CCDC7: variants seen among roughly 807,000 people sequenced by gnomAD.
CCDC7 encodes coiled-coil domain containing 7, also known as coiled-coil domain-containing protein 7.
Under a neutral mutation model 196.9 loss-of-function variants are expected in CCDC7, and 183 were observed. The ratio of observed to expected loss-of-function variants is 0.93; its 90% CI spans 0.82 to 1.05. The LOEUF is 1.05. CCDC7 is among the 50% of genes least tolerant of loss of function. The probability of loss-of-function intolerance (pLI) is 0.00; values close to 1 mark genes in which losing one functional copy is unlikely to be tolerated. For missense variants in CCDC7, 1,540 were observed against 1,482.2 expected (o/e 1.04, Z -0.64); for synonymous variants, 525 against 484.6 (o/e 1.08, Z -1.10).
intron 2 of CCDC7, 37 bp from the exon 4 acceptor site, chr10:32,456,214 T>C: frequency 1.4e-6 from 2 of 1,477,602 alleles, no homozygotes; most frequent in Non-Finnish European, 1.8e-6. Flanking sequence ...TATGGATTCT[T>C]AAATGTAACT....
intron 18 of CCDC7, among the ~76,000 whole-genome samples, chr10:32,594,187 A>C (rs2060074061): frequency 1.3e-5 from 2 of 152,134 alleles, no homozygotes; most frequent in Non-Finnish European, 2.9e-5. Context: ...ATGAGCATGG[A>C]ATGTTCTTCC....
intron 21 of CCDC7, among the ~76,000 whole-genome samples, chr10:32,676,475 C>T (rs2074995574): frequency 1.3e-5 from 2 of 151,444 alleles, no homozygotes; most frequent in African/African-American, 4.8e-5. Flanking sequence ...ACTCATCTGA[C>T]AAAGGGCTAA....
intron 41 of CCDC7, among the ~76,000 whole-genome samples, chr10:32,874,696 T>C (rs934681376): frequency 1.3e-5 from 2 of 149,490 alleles, no homozygotes; most frequent in African/African-American, 5.0e-5. Context: ...CATACACACA[T>C]ATGTATGTGC....
intron 3 of CCDC7, among the ~76,000 whole-genome samples, chr10:32,461,953 G>A (rs1193268942): frequency 6.6e-6 from 1 of 151,488 alleles, no homozygotes; most frequent in Non-Finnish European, 1.5e-5. Context: ...TGTATTTTTA[G>A]TAGAGACGGG....
chr10:32,630,879 C>T (rs573312102), intron 18 of CCDC7, among the ~76,000 whole-genome samples: 1 of 152,238 alleles, frequency 6.6e-6, no homozygotes, highest in Non-Finnish European at 1.5e-5. Context: ...GGGGTCTACC[C>T]AACCTCTTGT....
At chr10:32,633,498 A>C (rs559472846) in intron 18 of CCDC7, among the ~76,000 whole-genome samples, 1 of 152,108 alleles carries the variant, frequency 6.6e-6, no homozygotes, top group African/African-American at 2.4e-5. Flanking sequence ...AGCACTAGAA[A>C]AACAAATTTA....
intron 25 of CCDC7, among the ~76,000 whole-genome samples, chr10:32,726,208 G>C (rs904404521): frequency 1.3e-5 from 2 of 151,582 alleles, no homozygotes; most frequent in Admixed American, 1.3e-4. Context: ...TTATCTTCTA[G>C]AAATCCCTCC....
At chr10:32,877,175 A>G (rs1475388291), downstream of CCDC7, 2 of 152,094 alleles carry the variant, frequency 1.3e-5, no homozygotes, top group East Asian at 1.9e-4. Context: ...CTCCCATTGT[A>G]AAGATATTAT....
At chr10:32,639,400 T>G (rs934558184) in intron 20 of CCDC7, among the ~76,000 whole-genome samples, 1 of 152,206 alleles carries the variant, frequency 6.6e-6, no homozygotes, top group East Asian at 1.9e-4. Context: ...TACACACTGC[T>G]TTGAATGTGT....
chr10:32,837,969 A>G (rs1467342231), intron 33 of CCDC7, among the ~76,000 whole-genome samples: 1 of 151,800 alleles, frequency 6.6e-6, no homozygotes, highest in Non-Finnish European at 1.5e-5. Flanking sequence ...ACATATACCT[A>G]ATGTAAATGA....
At chr10:32,561,513 ACTACATGG>A (rs1161780811) in intron 13 of CCDC7, among the ~76,000 whole-genome samples, 4 of 152,246 alleles carry the variant, frequency 2.6e-5, no homozygotes, top group Admixed American at 1.3e-4. Flanking sequence ...AAACCGCTCA[ACTACATGG>A]AAACTGAACA....
chr10:32,584,037 A>T (rs1282192718), intron 17 of CCDC7, among the ~76,000 whole-genome samples, 195 bp from the exon 19 acceptor site: 1 of 152,152 alleles, frequency 6.6e-6, no homozygotes, highest in Non-Finnish European at 1.5e-5. Context: ...ATTGCCTCTC[A>T]GGTCCATTAA....
At position 32,703,267 on chromosome 10, in the gene CCDC7, C is replaced by T. The variant is rs539649167; in HGVS notation, c.2458+8275C>T. ...TGTAAAGGATTTTATTTCTCCTTCACTTATGAAGCTTAGTTTGGCTGGATA... is the reference window on the plus strand; with the variant it reads ...TGTAAAGGATTTTATTTCTCCTTCATTTATGAAGCTTAGTTTGGCTGGATA... On this transcript the variant is annotated intron_variant, in intron 24 of 41. Coordinates refer to ENST00000639629, the Ensembl canonical transcript of CCDC7. 3.9e-5 allele frequency among the ~76,000 whole-genome samples: 6 copies of T among 152,190 alleles called. No homozygotes were observed. The East Asian group carries it at 1.2e-3, about 29-fold the overall frequency.
chr10:32,548,308 G>C (rs2052842121), intron 13 of CCDC7, among the ~76,000 whole-genome samples: 1 of 152,146 alleles, frequency 6.6e-6, no homozygotes, highest in African/African-American at 2.4e-5. Context: ...TGGAGGGGCA[G>C]AGTCAGTAGT....
chr10:32,713,226 G>A (rs1411125103), intron 25 of CCDC7, among the ~76,000 whole-genome samples: 3 of 152,246 alleles, frequency 2.0e-5, no homozygotes, highest in Admixed American at 6.5e-5. Context: ...GGTCCTGTTT[G>A]TGGTGACCTC....
chr10:32,490,981 T>C (rs1426160152), intron 8 of CCDC7, among the ~76,000 whole-genome samples: 1 of 152,208 alleles, frequency 6.6e-6, no homozygotes, highest in Non-Finnish European at 1.5e-5. Context: ...TCTGTTTGAC[T>C]TGGTTTCTTG....
In CCDC7 at chr10:32,832,620, GAAAT is replaced by G. The variant is rs1299572186; in HGVS notation, c.3269-2187_3269-2184del. 6.6e-5 allele frequency among the ~76,000 whole-genome samples: 10 copies of G among 151,990 alleles called. No homozygotes were observed. The East Asian group carries it at 1.7e-3, about 26-fold the overall frequency. On this transcript the variant is annotated intron_variant, in intron 32 of 41. Coordinates refer to ENST00000639629, the Ensembl canonical transcript of CCDC7. ...AGTGAAACTCAAACAAAAAGAATCT[GAAAT>G]AAATAAAAATTTACAGGATTAGTTG...
At chr10:32,679,664 G>C (rs1439895924) in intron 21 of CCDC7, among the ~76,000 whole-genome samples, 1 of 152,152 alleles carries the variant, frequency 6.6e-6, no homozygotes, top group African/African-American at 2.4e-5. Flanking sequence ...CTTGTACTTT[G>C]TAATAATGCT....
intron 39 of CCDC7, among the ~76,000 whole-genome samples, chr10:32,851,415 T>C (rs2093559607): frequency 6.6e-6 from 1 of 152,314 alleles, no homozygotes; most frequent in Non-Finnish European, 1.5e-5. Context: ...ATCTAGTTGA[T>C]ATTTGATGTA....
Sources: gnomAD v4.1 joint callset for allele counts (sites outside exome capture counted in the v4.1 genomes callset) on GRCh38, gnomAD v4.1.1 for gene constraint, MANE v1.5 for transcripts, NCBI Gene and HGNC (gene_info 2026-07-23, HGNC 2026-07-21) for gene names.